DST: variants seen among roughly 807,000 people sequenced by gnomAD.
DST encodes bullous pemphigoid antigen.
A neutral mutation model predicts 875.2 loss-of-function variants in DST; 253 were observed. The observed-to-expected ratio is 0.29, with a 90% CI of 0.26 to 0.32. DST has a LOEUF of 0.32. Among genes scored for constraint, DST ranks in the 10% least tolerant of loss-of-function variants. The pLI is 1.00. For synonymous variants in DST, 3,124 were observed against 3,197.1 expected (o/e 0.98, Z 0.77); for missense variants, 8,287 against 9,111.6 (o/e 0.91, Z 3.68).
intron 19 of DST, 48 bp downstream of exon 19, chr6:56,639,881 A>G: frequency 2.5e-6 from 4 of 1,602,922 alleles, no homozygotes; most frequent in Non-Finnish European, 3.4e-6. Context: ...AAAAAGCAAA[A>G]CAAGAGTAAA....
chr6:56,830,471 C>A (rs2099785671), intron 4 of DST, among the ~76,000 whole-genome samples: 2 of 152,088 alleles, frequency 1.3e-5, no homozygotes, highest in African/African-American at 4.8e-5. Context: ...AAAAATGTTA[C>A]CAAGTATATG....
chr6:56,475,141 T>C (rs889528814), intron 92 of DST, among the ~76,000 whole-genome samples: 4 of 152,066 alleles, frequency 2.6e-5, no homozygotes, highest in African/African-American at 9.7e-5. Flanking sequence ...TGCCACTGCT[T>C]ATCTCATCTC....
intron 70 of DST, 79 bp downstream of exon 70, chr6:56,517,421 TA>T: frequency 6.3e-7 from 1 of 1,596,132 alleles, no homozygotes; most frequent in Admixed American, 1.8e-5. Flanking sequence ...TCTTAAAAAG[TA>T]AATCATACAA....
At chr6:56,623,083 C>T (rs376298529) in intron 36 of DST, among the ~76,000 whole-genome samples, 2 of 152,238 alleles carry the variant, frequency 1.3e-5, no homozygotes, top group Admixed American at 6.5e-5. Flanking sequence ...TTATAGCCTT[C>T]GCTTGTTCTT....
intron 48 of DST, among the ~76,000 whole-genome samples, chr6:56,592,602 C>T (rs140400075): frequency 4.7e-4 from 72 of 152,204 alleles, no homozygotes; most frequent in African/African-American, 1.7e-3. Flanking sequence ...AACATATTTA[C>T]AAGAGCTGAG....
chr6:56,624,701 A>G (rs2098718465), intron 35 of DST, 73 bp from the exon 36 acceptor site: 2 of 988,856 alleles, frequency 2.0e-6, no homozygotes, highest in Admixed American at 3.6e-5. Context: ...ATTTTGAATA[A>G]TAATTACATT....
intron 5 of DST, among the ~76,000 whole-genome samples, chr6:56,720,443 G>C (rs979215927): frequency 2.0e-5 from 3 of 151,308 alleles, no homozygotes; most frequent in African/African-American, 4.9e-5. Context: ...TGGAGAGAAC[G>C]TCAGCAGATA....
In DST at chr6:56,734,786, A is replaced by G. The variant is rs755188205; in HGVS notation, c.687+442T>C. On this transcript the variant is annotated intron_variant, in intron 5 of 103. Transcript: ENST00000680361. Reference sequence around the variant, plus strand: ...GGATTAAATTAAGTATAAGAATATAATAAGTCTAGACTTCTGTCCCTACAA... The same window carrying G: ...GGATTAAATTAAGTATAAGAATATAGTAAGTCTAGACTTCTGTCCCTACAA... Among the ~76,000 whole-genome samples the G allele has an allele frequency of 5.3e-5, 8 of 152,226 alleles. No individual in the cohort carries two copies. In the South Asian group the frequency reaches 8.3e-4, roughly 16 times the overall value.
At position 56,578,825 on chromosome 6, in the gene DST, T is replaced by C. The variant is rs1376171798; in HGVS notation, c.13016A>G (p.Gln4339Arg). 3 of 1,612,232 alleles carry C rather than the reference T, an allele frequency of 1.9e-6. No individual in the cohort carries two copies. Among genetic ancestry groups the C allele is most frequent in the Non-Finnish European group, 2.5e-6 (3 of 1,179,208 alleles). The change falls in exon 50 of 104, where the codon CAG becomes CGG. Residue 4339 changes from glutamine to arginine, a missense_variant. By Grantham distance (43) the Gln-to-Arg change is conservative. Coordinates refer to ENST00000680361, the MANE Select transcript of DST (RefSeq NM_001374736.1). ...CATGAATATCTTACCAAGTGTTTTC[T>C]GGATATCATTCTTGGCTGGAAGTAA... ...GSLLPAKNDI[Q>R]KTLDDIVGRY... is the part of the protein sequence containing the mutation.
rs1223706780 is a variant in DST, at chr6:56,463,113, G to A, written c.23003C>T (p.Thr7668Ile). 3 of 1,613,592 alleles carry A rather than the reference G, an allele frequency of 1.9e-6. No individual in the cohort carries two copies. The South Asian group carries it at 3.3e-5, about 18-fold the overall frequency. ...ACAAGGAGTTGACATTTTGCTGTTTGTCAACCATGGTTTACCATAATTGCG... is the reference window on the plus strand; with the variant it reads ...ACAAGGAGTTGACATTTTGCTGTTTATCAACCATGGTTTACCATAATTGCG... ...LTRNYGKPWL[T>I]NSKMSTPCKA... Residue 7668 changes from threonine (T) to isoleucine (I), a missense_variant, in exon 102 of 104, where the codon ACA (threonine) becomes ATA (isoleucine). Coordinates refer to ENST00000680361, the MANE Select transcript of DST (RefSeq NM_001374736.1).
intron 5 of DST, among the ~76,000 whole-genome samples, chr6:56,723,407 A>G (rs185539898): frequency 3.3e-5 from 5 of 152,154 alleles, no homozygotes; most frequent in African/African-American, 7.2e-5. Context: ...TCTACTAAAA[A>G]TACAAAATTA....
intron 2 of DST, among the ~76,000 whole-genome samples, chr6:56,910,904 CAGAG>C (rs1236229976): frequency 6.6e-6 from 1 of 152,184 alleles, no homozygotes; most frequent in Admixed American, 6.5e-5. Flanking sequence ...TTTAAACAAT[CAGAG>C]AGCCTTAATG....
intron 79 of DST, 68 bp downstream of exon 79, chr6:56,501,452 A>C (rs2096121917): frequency 7.9e-7 from 1 of 1,269,704 alleles, no homozygotes; most frequent in African/African-American, 1.5e-5. Flanking sequence ...TTTATCTTTA[A>C]TAATTATTTT....
intron 1 of DST, among the ~76,000 whole-genome samples, 155 bp downstream of exon 1, chr6:56,954,252 A>C (rs908436679): frequency 2.6e-5 from 4 of 151,900 alleles, no homozygotes; most frequent in African/African-American, 9.7e-5. Context: ...GACGGCAAAA[A>C]GGGCAAGGGG....
chr6:56,478,793 A>C (rs569017924), intron 90 of DST, among the ~76,000 whole-genome samples: 1 of 152,302 alleles, frequency 6.6e-6, no homozygotes, highest in South Asian at 2.1e-4. Flanking sequence ...AGGGGTGTTC[A>C]CTTTGAAATA....
At chr6:56,635,185 A>G (rs2098813221) in intron 24 of DST, among the ~76,000 whole-genome samples, 1 of 152,046 alleles carries the variant, frequency 6.6e-6, no homozygotes, top group African/African-American at 2.4e-5. Context: ...TACAAATTTT[A>G]CTTATTTATT....
intron 9 of DST, among the ~76,000 whole-genome samples, chr6:56,674,443 A>G (rs942942475): frequency 1.7e-4 from 26 of 152,046 alleles, no homozygotes; most frequent in African/African-American, 6.3e-4. Context: ...GACTACAGGC[A>G]TGTGCTAACA....
chr6:56,815,333 G>A (rs1202607607), intron 4 of DST, among the ~76,000 whole-genome samples: 3 of 148,022 alleles, frequency 2.0e-5, no homozygotes, highest in Non-Finnish European at 1.5e-5. Flanking sequence ...ATAGTTGCCT[G>A]TCACACCAAG....
intron 61 of DST, among the ~76,000 whole-genome samples, chr6:56,538,719 T>A (rs1454265497): frequency 6.6e-6 from 1 of 152,156 alleles, no homozygotes; most frequent in Non-Finnish European, 1.5e-5. Flanking sequence ...CCACAGAAAA[T>A]GTATATAGAC....
Sources: gnomAD v4.1 joint callset for allele counts (sites outside exome capture counted in the v4.1 genomes callset) on GRCh38, gnomAD v4.1.1 for gene constraint, MANE v1.5 for transcripts, NCBI Gene and HGNC (gene_info 2026-07-23, HGNC 2026-07-21) for gene names.